The following TRDN variants were observed in gnomAD, a reference collection of about 807,000 sequenced individuals.
The protein encoded by TRDN is triadin in skeletal muscle.
In TRDN, 161 loss-of-function variants were observed where a neutral mutation model predicts 149.7. That is an observed-to-expected ratio of 1.08 (90% CI 0.95 to 1.23). The LOEUF (loss-of-function observed/expected upper bound fraction) is 1.23, where lower values mean the gene tolerates loss of function less well. Among genes scored for constraint, TRDN ranks in the 50% most tolerant of loss-of-function variants. The probability of loss-of-function intolerance (pLI) is 0.00; values close to 1 mark genes in which losing one functional copy is unlikely to be tolerated. For synonymous variants in TRDN, 294 were observed against 250.5 expected (o/e 1.17, Z -1.64); for missense variants, 896 against 823.5 (o/e 1.09, Z -1.08).
At chr6:123,347,251 AACTG>A (rs1780289926) in intron 21 of TRDN, among the ~76,000 whole-genome samples, 1 of 152,114 alleles carries the variant, frequency 6.6e-6, no homozygotes, top group African/African-American at 2.4e-5. Flanking sequence ...CGTACTGAAA[AACTG>A]ACAGTACAAA....
chr6:123,402,254 C>G (rs1773010875), intron 12 of TRDN, among the ~76,000 whole-genome samples: 2 of 152,144 alleles, frequency 1.3e-5, no homozygotes, highest in African/African-American at 4.8e-5. Context: ...CAGTCTCAGT[C>G]AATCACAAAC....
At chr6:123,301,741 G>GTATATATATACA (rs1778405454) in intron 24 of TRDN, among the ~76,000 whole-genome samples, 1 of 47,354 alleles carries the variant, frequency 2.1e-5, no homozygotes, top group Non-Finnish European at 5.7e-5. Flanking sequence ...ATGTATGTAT[G>GTATATATATACA]TATATATATA....
intron 24 of TRDN, among the ~76,000 whole-genome samples, chr6:123,310,969 C>A (rs954518945): frequency 6.6e-6 from 1 of 151,868 alleles, no homozygotes; most frequent in Non-Finnish European, 1.5e-5. Flanking sequence ...ATATACTAAC[C>A]CCCAAGGACT....
At position 123,228,675 on chromosome 6, in the gene TRDN, G is replaced by A. The variant is rs533455806; in HGVS notation, c.1976-4544C>T. Among the ~76,000 whole-genome samples the A allele has an allele frequency of 1.8e-4, 27 of 151,952 alleles. 1 individual carries two copies. The highest frequency in any genetic ancestry group is 1.3e-3 in the Admixed American group (20 of 15,220). On this transcript the variant is annotated intron_variant, in intron 38 of 40. Transcript: ENST00000334268. ...ATATAGTTCAAGATGAGATTTGGGT[G>A]GGGACACAGCCAAACCATATCACTG...
chr6:123,298,803 T>C (rs888381458), intron 24 of TRDN, among the ~76,000 whole-genome samples: 42 of 152,170 alleles, frequency 2.8e-4, no homozygotes, highest in African/African-American at 8.7e-4. Flanking sequence ...TACTGAAACA[T>C]GCCATTAAAG....
At chr6:123,432,830 C>G (rs1774388279) in intron 12 of TRDN, among the ~76,000 whole-genome samples, 1 of 152,052 alleles carries the variant, frequency 6.6e-6, no homozygotes, top group African/African-American at 2.4e-5. Context: ...ATACCAAGCT[C>G]TTAACTTTTC....
chr6:123,314,885 T>C (rs773148950), intron 24 of TRDN, among the ~76,000 whole-genome samples: 1 of 152,068 alleles, frequency 6.6e-6, no homozygotes, highest in Admixed American at 6.6e-5. Flanking sequence ...AAAAAATAAC[T>C]AATGGATATT....
chr6:123,491,541 A>AT (rs947668763), intron 9 of TRDN, among the ~76,000 whole-genome samples: 4 of 152,054 alleles, frequency 2.6e-5, no homozygotes, highest in East Asian at 1.9e-4. Context: ...AAACTAAATA[A>AT]TTTTTTTTAA....
intron 19 of TRDN, among the ~76,000 whole-genome samples, chr6:123,372,218 T>G (rs1009122853): frequency 3.9e-5 from 6 of 152,124 alleles, no homozygotes; most frequent in African/African-American, 1.4e-4. Context: ...TCTCCAAATA[T>G]TCTTCTAACA....
chr6:123,472,060 G>C (rs1006419071), intron 9 of TRDN, among the ~76,000 whole-genome samples: 3 of 152,174 alleles, frequency 2.0e-5, no homozygotes, highest in Non-Finnish European at 2.9e-5. Flanking sequence ...CATGCATTGA[G>C]AACAAACCTA....
chr6:123,417,888 A>G (rs953437585), intron 12 of TRDN, among the ~76,000 whole-genome samples: 1 of 152,168 alleles, frequency 6.6e-6, no homozygotes, highest in African/African-American at 2.4e-5. Context: ...CTCTGAGACC[A>G]ATAACCCCTC....
At chr6:123,360,533 C>A (rs1780856351) in intron 20 of TRDN, among the ~76,000 whole-genome samples, 1 of 152,080 alleles carries the variant, frequency 6.6e-6, no homozygotes, top group African/African-American at 2.4e-5. Flanking sequence ...AGGATGGAAG[C>A]ATTCTGTTGG....
chr6:123,504,604 G>A (rs370210192), intron 7 of TRDN, among the ~76,000 whole-genome samples: 2 of 151,486 alleles, frequency 1.3e-5, no homozygotes, highest in African/African-American at 2.4e-5. Context: ...ACATATCATG[G>A]GAAATTCAAA....
chr6:123,286,673 G>C (rs1272959736), intron 24 of TRDN, among the ~76,000 whole-genome samples: 1 of 151,802 alleles, frequency 6.6e-6, no homozygotes. Context: ...CAAAACCTAT[G>C]AAAAAATAAA....
chr6:123,351,535 T>C, intron 21 of TRDN: 1 of 982,114 alleles, frequency 1.0e-6, no homozygotes, highest in Admixed American at 6.2e-5. Context: ...ACATTTTCCA[T>C]GCAATTATAA....
In TRDN at chr6:123,472,915, A is replaced by G. The variant is rs1777260796; in HGVS notation, c.854-7932T>C. 2.0e-5 allele frequency among the ~76,000 whole-genome samples: 3 copies of G among 152,214 alleles called. No individual in the cohort carries two copies. The South Asian group carries it at 6.2e-4, about 31-fold the overall frequency. On this transcript the variant is annotated intron_variant, in intron 9 of 40. Transcript: ENST00000334268. The stretch of plus-strand genomic sequence containing the variant: ...GTTAGAAGGAAAACTAACAAACAGA[A>G]AGGACATCCACACCAAAAACCCATC...
At chr6:123,585,796 G>C (rs1317662843) in intron 1 of TRDN, among the ~76,000 whole-genome samples, 1 of 152,096 alleles carries the variant, frequency 6.6e-6, no homozygotes, top group African/African-American at 2.4e-5. Context: ...CCTGCCCGCT[G>C]TGGTTCAGGC....
chr6:123,433,538 G>C (rs567563821), intron 12 of TRDN, among the ~76,000 whole-genome samples: 153 of 152,026 alleles, frequency 1.0e-3, no homozygotes, highest in African/African-American at 3.5e-3. Context: ...ATGCATGCAT[G>C]AATGAATGAA....
chr6:123,509,109 G>GTT (rs1256432760), intron 7 of TRDN, among the ~76,000 whole-genome samples: 1 of 151,722 alleles, frequency 6.6e-6, no homozygotes, highest in Non-Finnish European at 1.5e-5. Flanking sequence ...ACATATATAT[G>GTT]TTTTAAACAG....
Sources: gnomAD v4.1 joint callset for allele counts (sites outside exome capture counted in the v4.1 genomes callset) on GRCh38, gnomAD v4.1.1 for gene constraint, MANE v1.5 for transcripts, NCBI Gene and HGNC (gene_info 2026-07-23, HGNC 2026-07-21) for gene names.